The following DRC4 variants were observed in gnomAD, a reference collection of about 807,000 sequenced individuals.
The protein encoded by DRC4 is dynein regulatory complex subunit 4.
chr16:90,027,755 G>C, the DRC4 span: 2 of 1,593,282 alleles, frequency 1.3e-6, no homozygotes, highest in Admixed American at 1.7e-5. Flanking sequence ...CAGTCCCCGG[G>C]TGGGCGTGGG....
At chr16:90,038,789 G>C in the DRC4 span, among the ~76,000 whole-genome samples, 1 of 152,158 alleles carries the variant, frequency 6.6e-6, no homozygotes, top group Non-Finnish European at 1.5e-5. Context: ...AGGGGTGCTC[G>C]GTCCTGTCTC....
the DRC4 span, chr16:90,032,787 G>A: frequency 6.2e-7 from 1 of 1,613,974 alleles, no homozygotes; most frequent in Non-Finnish European, 8.5e-7. Flanking sequence ...GAAGGCTGAG[G>A]GCACTGTAGT....
chr16:90,037,693 A>C, the DRC4 span: 3 of 1,455,952 alleles, frequency 2.1e-6, no homozygotes, highest in South Asian at 3.4e-5. Flanking sequence ...ATCTCCCAGG[A>C]GCCCGTGTTA....
chr16:90,028,172 C>CT, the DRC4 span, among the ~76,000 whole-genome samples: 2 of 75,004 alleles, frequency 2.7e-5, no homozygotes, highest in African/African-American at 1.0e-4. Context: ...ATTAATCGTT[C>CT]ATTTTTTTTT....
the DRC4 span, chr16:90,031,249 G>A: frequency 7.6e-5 from 122 of 1,607,318 alleles, no homozygotes; most frequent in Admixed American, 4.3e-4. Context: ...CCCCGTTGCC[G>A]TGCATGGGCC....
the DRC4 span, chr16:90,029,174 T>TTACGGGGCAGCTTACGGGGCAGCC: frequency 2.6e-6 from 3 of 1,134,622 alleles, no homozygotes; most frequent in South Asian, 1.3e-5. Context: ...ACGGGGCAGC[T>TTACGGGGCAGCTTACGGGGCAGCC]TACGGGGCAG....
chr16:90,043,470 G>C, the DRC4 span: 1 of 982,572 alleles, frequency 1.0e-6, no homozygotes, highest in Non-Finnish European at 1.5e-6. Flanking sequence ...CTTTTCACAT[G>C]TTCTTGCCAT....
the DRC4 span, chr16:90,044,284 C>A: frequency 2.3e-6 from 1 of 438,044 alleles, no homozygotes; most frequent in Admixed American, 2.8e-5. Flanking sequence ...CCCCACAAAG[C>A]CTGACCCTGG....
At chr16:90,043,654 G>T in the DRC4 span, 2 of 562,776 alleles carry the variant, frequency 3.6e-6, no homozygotes, top group African/African-American at 3.7e-5. Flanking sequence ...TCACCTGGGG[G>T]TTGGGGCAGT....
the DRC4 span, among the ~76,000 whole-genome samples, chr16:90,041,492 G>C: frequency 6.6e-6 from 1 of 151,974 alleles, no homozygotes; most frequent in Non-Finnish European, 1.5e-5. Flanking sequence ...CGCTGCTGAA[G>C]ACTACTTTTT....
At chr16:90,036,301 C>T in the DRC4 span, 323 of 1,306,848 alleles carry the variant, frequency 2.5e-4, 5 homozygotes, top group East Asian at 6.1e-3. Context: ...GTTTTGGGCC[C>T]GTTTACAGGC....
At chr16:90,043,354 C>CA in the DRC4 span, 7 of 1,603,360 alleles carry the variant, frequency 4.4e-6, no homozygotes, top group African/African-American at 8.0e-5. Context: ...AGCTGCCCCC[C>CA]TGGGGGGCCA....
the DRC4 span, among the ~76,000 whole-genome samples, chr16:90,027,085 C>T: frequency 7.6e-6 from 1 of 130,992 alleles, no homozygotes; most frequent in Non-Finnish European, 1.7e-5. Context: ...GCTAGGTTTC[C>T]TCTCTTTTTT....
At chr16:90,025,423 G>A in the DRC4 span, among the ~76,000 whole-genome samples, 3 of 151,090 alleles carry the variant, frequency 2.0e-5, no homozygotes, top group Admixed American at 6.6e-5. Context: ...AGGCTTAGGT[G>A]GGCAGATCAC....
the DRC4 span, among the ~76,000 whole-genome samples, chr16:90,025,655 A>C: frequency 2.1e-5 from 3 of 139,568 alleles, no homozygotes; most frequent in South Asian, 6.6e-4. Context: ...GTCTCAAAAA[A>C]AAAAAAAAAA....
the DRC4 span, among the ~76,000 whole-genome samples, chr16:90,038,794 T>A: frequency 6.6e-6 from 1 of 152,244 alleles, no homozygotes; most frequent in Admixed American, 6.5e-5. Flanking sequence ...TGCTCGGTCC[T>A]GTCTCTGTCC....
the DRC4 span, among the ~76,000 whole-genome samples, chr16:90,030,532 G>A: frequency 2.4e-4 from 31 of 129,234 alleles, no homozygotes; most frequent in Non-Finnish European, 5.0e-4. Flanking sequence ...TTTTTTTGTA[G>A]AGACAGGGTT....
chr16:90,042,364 C>G, the DRC4 span: 1 of 850,822 alleles, frequency 1.2e-6, no homozygotes, highest in South Asian at 1.4e-5. Flanking sequence ...TCAAACCAGG[C>G]TGCTATTCGC....
chr16:90,028,760 C>G, the DRC4 span: 1 of 479,162 alleles, frequency 2.1e-6, no homozygotes, highest in South Asian at 2.0e-5. Flanking sequence ...CTGTGAGCAC[C>G]TGACATGGGA....
Sources: allele counts gnomAD v4.1 joint callset (sites outside exome capture counted in the v4.1 genomes callset), GRCh38; gene constraint gnomAD v4.1.1; transcripts MANE v1.5; gene names NCBI Gene and HGNC (gene_info 2026-07-23, HGNC 2026-07-21).